Variants in ABLIM2 observed in about 807,000 individuals in gnomAD.
ABLIM2 encodes actin binding LIM protein family member 2, also known as actin-binding LIM protein 2.
Under a neutral mutation model 97.7 loss-of-function variants are expected in ABLIM2, and 53 were observed. That is an observed-to-expected ratio of 0.54 (90% confidence interval 0.44 to 0.68). ABLIM2 has a LOEUF of 0.68. Among genes scored for constraint, ABLIM2 ranks in the 30% least tolerant of loss-of-function variants. The probability of loss-of-function intolerance (pLI) is 0.00; values close to 1 mark genes in which losing one functional copy is unlikely to be tolerated. For missense variants in ABLIM2, 835 were observed against 867.2 expected (o/e 0.96, Z 0.47); for synonymous variants, 361 against 345.8 (o/e 1.04, Z -0.49).
At position 8,075,531 on chromosome 4, in the gene ABLIM2, A is replaced by C. The variant is rs1815464576; in HGVS notation, c.675+2097T>G. On this transcript the variant is annotated intron_variant, in intron 6 of 20. Coordinates refer to ENST00000447017, the MANE Select transcript of ABLIM2 (RefSeq NM_001130083.2). This position sits in a 1 kb window ranked among gnomAD's most constrained non-coding sequence, Gnocchi z 4.4. ...GACATAGTGAGACCCTGTCTCTACA[A>C]AAACTACAAAAATTAGCCAGGTGTG... is the stretch of plus-strand genomic sequence containing the variant. Among the ~76,000 whole-genome samples, 1 of 152,084 alleles carries C rather than the reference A, an allele frequency of 6.6e-6. No individual in the cohort carries two copies. Among genetic ancestry groups the C allele is most frequent in the Non-Finnish European group, 1.5e-5 (1 of 68,018 alleles).
In ABLIM2 at chr4:7,976,887, G is replaced by A. The variant is rs148833176; in HGVS notation, c.1824+6377C>T. Among the ~76,000 whole-genome samples, 975 of 143,900 alleles carry A rather than the reference G, an allele frequency of 6.8e-3. 9 individuals are homozygous for A. The highest frequency in any genetic ancestry group is 0.022 in the African/African-American group (828 of 38,318). The allele number at this position is 143,900 out of a possible 152,430, so 94.4% of individuals were successfully genotyped here. A position where few individuals can be genotyped will look rare whatever the true frequency, so the allele number is the denominator to read the frequency against. On this transcript the variant is annotated intron_variant, in intron 20 of 20. Coordinates refer to ENST00000447017, the MANE Select transcript of ABLIM2 (RefSeq NM_001130083.2). ...TATACATACATAAACATACACACACGCATATACACACATACATGTACACAC... is the reference window on the plus strand; with the variant it reads ...TATACATACATAAACATACACACACACATATACACACATACATGTACACAC...
In ABLIM2 at chr4:7,983,336, C is replaced by G; in HGVS notation, c.1752G>C (p.Pro584=). 6.2e-7 allele frequency: 1 copy of G among 1,611,838 alleles called. No individual in the cohort carries two copies. The part of the protein sequence containing the change: ...SWGMREYKIY[P]YDSLIVTNRI... ...GGTTTGTGACGATGAGGGAGTCATA[C>G]GGATAGATCTGTTGGGGGAGGAAAC... The change falls in exon 20 of 21, where the codon CCG becomes CCC. Residue 584 remains proline (P), a synonymous_variant. Transcript: ENST00000447017.
intron 1 of ABLIM2, among the ~76,000 whole-genome samples, chr4:8,138,023 G>C (rs1228882562): frequency 6.6e-6 from 1 of 152,230 alleles, no homozygotes; most frequent in African/African-American, 2.4e-5. Flanking sequence ...CTATGACATG[G>C]ATGACCCTTG....
chr4:8,052,402 T>C (rs1796592947), intron 8 of ABLIM2, among the ~76,000 whole-genome samples: 1 of 152,208 alleles, frequency 6.6e-6, no homozygotes, highest in South Asian at 2.1e-4. Context: ...CAGGGTAGCT[T>C]GTAGAATGAA....
intron 1 of ABLIM2, among the ~76,000 whole-genome samples, chr4:8,154,204 C>CG (rs1343607517): frequency 7.9e-5 from 12 of 151,410 alleles, no homozygotes; most frequent in Non-Finnish European, 1.8e-4. Flanking sequence ...CCTTGTGATC[C>CG]ACCCGCCTCG....
chr4:8,023,304 C>T lies in ABLIM2; in HGVS notation c.1268-3001G>A, dbSNP rs538925260. Among the ~76,000 whole-genome samples the T allele has an allele frequency of 6.0e-4, 91 of 152,332 alleles. No individual in the cohort carries two copies. The highest frequency in any genetic ancestry group is 6.8e-3 in the Middle Eastern group (2 of 294). ...CCAGGATCCCACCCAGGAAACATGA[C>T]GTTCTGTCGGCACGTCTCCCAAGGC... On this transcript the variant is annotated intron_variant, in intron 12 of 20. Coordinates refer to ENST00000447017, the MANE Select transcript of ABLIM2 (RefSeq NM_001130083.2). The surrounding 1 kb of genome is among the most constrained non-coding windows in gnomAD (Gnocchi z 5.7).
chr4:8,116,968 A>G (rs945028804), intron 1 of ABLIM2, among the ~76,000 whole-genome samples: 1 of 152,244 alleles, frequency 6.6e-6, no homozygotes, highest in Non-Finnish European at 1.5e-5. Context: ...TCCCTGGTAT[A>G]GACAGTAGGA....
chr4:8,073,033 T>A (rs1189651146), intron 6 of ABLIM2, among the ~76,000 whole-genome samples: 1 of 151,558 alleles, frequency 6.6e-6, no homozygotes, highest in Non-Finnish European at 1.5e-5. Context: ...AGAGGCTGAG[T>A]CTCTGCAGTG....
chr4:8,042,839 C>CAAAA (rs35649540), intron 9 of ABLIM2, among the ~76,000 whole-genome samples: 3 of 62,362 alleles, frequency 4.8e-5, no homozygotes, highest in Non-Finnish European at 6.2e-5. Flanking sequence ...AACTCCAACT[C>CAAAA]AAAAAAAAAA....
chr4:8,023,045 CCTT>C lies in ABLIM2; in HGVS notation c.1268-2745_1268-2743del, dbSNP rs908304628. Reference sequence around the variant, plus strand: ...TTTTCCTCTTTCTCCTCCTCCTCCTCCTTCTTCTCTACTTTTTCCTCTTCCTCC... The same window carrying C: ...TTTTCCTCTTTCTCCTCCTCCTCCTCCTTCTCTACTTTTTCCTCTTCCTCC... On this transcript the variant is annotated intron_variant, in intron 12 of 20. Transcript: ENST00000447017. The surrounding 1 kb of genome is among the most constrained non-coding windows in gnomAD (Gnocchi z 5.7). The C allele has an allele frequency of 6.6e-6, 1 of 152,398 alleles. No individual in the cohort carries two copies. Among genetic ancestry groups the C allele is most frequent in the African/African-American group, 2.4e-5 (1 of 41,130 alleles). 9.4% of individuals were successfully genotyped at this position (152,398 alleles called of 1,614,324 possible). A position where few individuals can be genotyped will look rare whatever the true frequency, so the allele number is the denominator to read the frequency against.
At chr4:7,976,685 GCATGCACACA>G (rs1224489262) in intron 20 of ABLIM2, among the ~76,000 whole-genome samples, 3 of 150,058 alleles carry the variant, frequency 2.0e-5, no homozygotes, top group Non-Finnish European at 4.4e-5. Flanking sequence ...ACACACATGT[GCATGCACACA>G]CATGCACACA....
At position 8,088,262 on chromosome 4, in the gene ABLIM2, G is replaced by C. The variant is rs760533732; in HGVS notation, c.361C>G (p.Arg121Gly). The change falls in exon 4 of 21, where the codon CGA (arginine) becomes GGA (glycine). Residue 121 changes from arginine (R) to glycine (G), a missense_variant. Coordinates refer to ENST00000447017, the MANE Select transcript of ABLIM2 (RefSeq NM_001130083.2). ...VCRLPFPPGD[R>G]VTFNGKECMC... ...CATTCCTTCCCGTTGAAGGTCACTC[G>C]GTCCCCGGGGGGGAAGGGCAGCCTG... The C allele has an allele frequency of 5.0e-6, 8 of 1,612,720 alleles. No individual in the cohort carries two copies. The highest frequency in any genetic ancestry group is 1.7e-4 in the Middle Eastern group (1 of 6,058).
At position 8,001,687 on chromosome 4, in the gene ABLIM2, T is replaced by G. The variant is rs1033737167; in HGVS notation, c.1618+6372A>C. ...TAACAGCCTCTGTATAGAGGGACCC[T>G]CCAGCCACTAGCTGGATGCCAAGGT... On this transcript the variant is annotated intron_variant, in intron 16 of 20. Coordinates refer to ENST00000447017, the MANE Select transcript of ABLIM2 (RefSeq NM_001130083.2). The surrounding 1 kb of genome is among the most constrained non-coding windows in gnomAD (Gnocchi z 4.2). Among the ~76,000 whole-genome samples the G allele has an allele frequency of 6.6e-6, 1 of 152,050 alleles. No homozygotes were observed. Among genetic ancestry groups the G allele is most frequent in the South Asian group, 2.1e-4 (1 of 4,822 alleles).
chr4:8,049,374 C>T (rs1418238193), intron 8 of ABLIM2, among the ~76,000 whole-genome samples: 8 of 152,188 alleles, frequency 5.3e-5, no homozygotes, highest in Non-Finnish European at 7.3e-5. Flanking sequence ...ATGCCAGGGA[C>T]GTCTGACATG....
rs1425969947 is a variant in ABLIM2, at chr4:8,155,962, G to C, written c.10+2718C>G. On this transcript the variant is annotated intron_variant, in intron 1 of 20. Coordinates refer to ENST00000447017, the MANE Select transcript of ABLIM2 (RefSeq NM_001130083.2). This position sits in a 1 kb window ranked among gnomAD's most constrained non-coding sequence, Gnocchi z 4.2. The stretch of plus-strand genomic sequence containing the variant: ...CTGACACCTTGATCTCAGACTTCTG[G>C]CCTCTAGAATCAGCAAAAAAATAAG... Among the ~76,000 whole-genome samples the C allele has an allele frequency of 2.0e-5, 3 of 152,178 alleles. No individual in the cohort carries two copies. Among genetic ancestry groups the C allele is most frequent in the African/African-American group, 7.2e-5 (3 of 41,428 alleles).
chr4:8,106,462 G>A (rs778721280), intron 2 of ABLIM2, 32 bp downstream of exon 2: 88 of 1,575,410 alleles, frequency 5.6e-5, no homozygotes, highest in Admixed American at 5.0e-4. Flanking sequence ...CCGTTTCAGG[G>A]GCCACACTGC....
intron 20 of ABLIM2, among the ~76,000 whole-genome samples, chr4:7,973,115 G>GTGTGTGTGT (rs1347584652): frequency 1.7e-4 from 25 of 149,732 alleles, no homozygotes; most frequent in South Asian, 4.2e-4. Context: ...GTGTGTGTAG[G>GTGTGTGTGT]GTGAGGGATG....
Position 8,067,068 on chromosome 4 carries a change from G to A in ABLIM2, c.676-6014C>T, listed in dbSNP as rs1052204092. On this transcript the variant is annotated intron_variant, in intron 6 of 20. Coordinates refer to ENST00000447017, the MANE Select transcript of ABLIM2 (RefSeq NM_001130083.2). The surrounding 1 kb of genome is among the most constrained non-coding windows in gnomAD (Gnocchi z 5.4). Reference sequence around the variant, plus strand: ...CTATCCTTGTTTTCCAGAGGAGGAGGTCGAGGCTCAGAGAGGCGAGGGGGG... The same window carrying A: ...CTATCCTTGTTTTCCAGAGGAGGAGATCGAGGCTCAGAGAGGCGAGGGGGG... 6.6e-6 allele frequency: 1 copy of A among 152,176 alleles called. No individual in the cohort carries two copies. The highest frequency in any genetic ancestry group is 2.4e-5 in the African/African-American group (1 of 41,408). 9.4% of individuals were successfully genotyped at this position (152,176 alleles called of 1,614,324 possible). A position where few individuals can be genotyped will look rare whatever the true frequency, so the allele number is the denominator to read the frequency against.
intron 4 of ABLIM2, among the ~76,000 whole-genome samples, chr4:8,081,744 C>G (rs139924203): frequency 1.3e-5 from 2 of 152,096 alleles, no homozygotes; most frequent in African/African-American, 4.8e-5. Context: ...GGAGGCAGAG[C>G]GGCAGAGACG....
Sources: allele counts gnomAD v4.1 joint callset (sites outside exome capture counted in the v4.1 genomes callset), GRCh38; gene constraint gnomAD v4.1.1; non-coding constraint Gnocchi (gnomAD v3.1); transcripts MANE v1.5; gene names NCBI Gene and HGNC (gene_info 2026-07-23, HGNC 2026-07-21).